Variants in AQR observed in about 807,000 individuals in gnomAD.
The protein encoded by AQR is RNA helicase aquarius.
AQR carries 61 observed loss-of-function variants against 180.5 expected under a neutral mutation model. That is an observed-to-expected ratio of 0.34 (90% confidence interval 0.28 to 0.42). AQR has a LOEUF of 0.42. Ranked by LOEUF, AQR falls within the 10% of genes least tolerant of loss-of-function variation. AQR has a pLI of 1.00. For missense variants in AQR, 1,281 were observed against 1,798.3 expected, an observed-to-expected ratio of 0.71 and a Z score of 5.20; for synonymous variants, 551 against 588.8, an observed-to-expected ratio of 0.94 and a Z score of 0.93.
chr15:34,895,190 ATATATATATATAT>A (rs1893222788), intron 22 of AQR, among the ~76,000 whole-genome samples: 11 of 52,288 alleles, frequency 2.1e-4, no homozygotes, highest in African/African-American at 7.3e-4. Context: ...AAAAAAAAAT[ATATATATATATAT>A]ATATATATAT....
At chr15:34,934,405 A>G (rs187763624) in intron 10 of AQR, among the ~76,000 whole-genome samples, 166 bp downstream of exon 10, 82 of 149,106 alleles carry the variant, frequency 5.5e-4, no homozygotes, top group African/African-American at 1.6e-3. Context: ...AAGGAAATAT[A>G]TACCTTTCCT....
Position 34,851,976 on chromosome 15 carries a change from C to G in AQR, c.*4816G>C, listed in dbSNP as rs1051091890. 2 of 152,098 alleles carry G rather than the reference C, an allele frequency of 1.3e-5. No homozygotes were observed. Among genetic ancestry groups the G allele is most frequent in the Non-Finnish European group, 2.9e-5 (2 of 68,026 alleles). 9.4% of individuals were successfully genotyped at this position (152,098 alleles called of 1,614,324 possible). On this transcript the variant is annotated 3_prime_UTR_variant, in exon 35 of 35. Transcript: ENST00000156471. ...ATTTTCAGGATGTTGCGATTAATAC[C>G]ACATGACACTCAATAAATTACACTA...
At chr15:34,909,984 A>G in intron 17 of AQR, 151 bp downstream of exon 17, 3 of 821,864 alleles carry the variant, frequency 3.7e-6, no homozygotes, top group South Asian at 2.0e-5. Flanking sequence ...ATAATTAGAA[A>G]AAAAGTTGCT....
In AQR at chr15:34,897,591, A is replaced by G; in HGVS notation, c.2358T>C (p.Asn786=). The change falls in exon 21 of 35, where the codon AAT becomes AAC. Residue 786 remains asparagine (N), a synonymous_variant. Transcript: ENST00000156471. The stretch of plus-strand genomic sequence containing the variant: ...GTTGATTATAAGGATAAGGACCCCT[A>G]TTAGGAATAACATGGGGCTCAACAA... The part of the protein sequence containing the change: ...TLIVEPHVIP[N]RGPYPYNQPK... 1 of 1,614,110 alleles carries G rather than the reference A, an allele frequency of 6.2e-7. No individual in the cohort carries two copies. The highest frequency in any genetic ancestry group is 8.5e-7 in the Non-Finnish European group (1 of 1,179,972).
At chr15:34,938,481 C>G (rs183169057) in intron 9 of AQR, among the ~76,000 whole-genome samples, 1 of 152,068 alleles carries the variant, frequency 6.6e-6, no homozygotes, top group Non-Finnish European at 1.5e-5. Flanking sequence ...TGCAGTGAGC[C>G]GAGATCATGC....
chr15:34,933,728 AAACCTG>A (rs1399300306), intron 10 of AQR, among the ~76,000 whole-genome samples: 1 of 152,218 alleles, frequency 6.6e-6, no homozygotes, highest in African/African-American at 2.4e-5. Context: ...AGTCATTTGA[AAACCTG>A]AAGGGCCAAT....
At chr15:34,962,276 C>G (rs971061087) in intron 2 of AQR, among the ~76,000 whole-genome samples, 1 of 152,086 alleles carries the variant, frequency 6.6e-6, no homozygotes, top group Non-Finnish European at 1.5e-5. Flanking sequence ...ACCGCCTCAG[C>G]CTCCCAAAGT....
intron 5 of AQR, among the ~76,000 whole-genome samples, chr15:34,946,529 T>C (rs1185628211): frequency 2.1e-5 from 2 of 93,560 alleles, no homozygotes; most frequent in Non-Finnish European, 4.3e-5. Context: ...GGGAGGGAGG[T>C]GAGGGGGTCA....
intron 23 of AQR, 134 bp from the exon 24 acceptor site, chr15:34,890,458 T>C: frequency 1.5e-6 from 1 of 678,710 alleles, no homozygotes; most frequent in Non-Finnish European, 2.4e-6. Context: ...AAATAGTATT[T>C]ATATTGATTT....
chr15:34,855,839 T>A lies in AQR; in HGVS notation c.*953A>T, dbSNP rs529357665. The A allele has an allele frequency of 2.0e-5, 3 of 152,304 alleles. No individual in the cohort carries two copies. The highest frequency in any genetic ancestry group is 2.0e-4 in the Admixed American group (3 of 15,302). 9.4% of individuals were successfully genotyped at this position (152,304 alleles called of 1,614,324 possible). On this transcript the variant is annotated 3_prime_UTR_variant, in exon 35 of 35. Transcript: ENST00000156471. Reference sequence around the variant, plus strand: ...TGTTGGTTCACAAATCATACTTGAGTAGCAAGGTCCCAGGTACCTCTGCCT... The same window carrying A: ...TGTTGGTTCACAAATCATACTTGAGAAGCAAGGTCCCAGGTACCTCTGCCT...
At chr15:34,957,071 C>G (rs1894331199) in intron 3 of AQR, among the ~76,000 whole-genome samples, 1 of 152,200 alleles carries the variant, frequency 6.6e-6, no homozygotes. Flanking sequence ...TACATCAAGC[C>G]ATTCCCCCAA....
intron 34 of AQR, among the ~76,000 whole-genome samples, chr15:34,857,910 C>A (rs890925608): frequency 6.6e-6 from 1 of 152,164 alleles, no homozygotes; most frequent in Non-Finnish European, 1.5e-5. Context: ...GCCCTTTGCC[C>A]CATGGCAGTC....
intron 6 of AQR, chr15:34,943,050 G>GC (rs1894049969): frequency 6.2e-7 from 1 of 1,601,900 alleles, no homozygotes; most frequent in East Asian, 2.2e-5. Context: ...TGTTAAAGAG[G>GC]CTTTCTGTGC....
chr15:34,880,917 C>T (rs1892963811), intron 27 of AQR, among the ~76,000 whole-genome samples: 1 of 152,046 alleles, frequency 6.6e-6, no homozygotes. Context: ...AGTGGACCTA[C>T]AAGGTTTTTA....
At chr15:34,884,245 A>G (rs1386686103) in intron 26 of AQR, among the ~76,000 whole-genome samples, 2 of 151,906 alleles carry the variant, frequency 1.3e-5, no homozygotes, top group Admixed American at 1.3e-4. Flanking sequence ...TGTCTCTACT[A>G]AAAATACAAA....
At chr15:34,956,108 G>A (rs1421061685) in intron 3 of AQR, among the ~76,000 whole-genome samples, 1 of 152,070 alleles carries the variant, frequency 6.6e-6, no homozygotes, top group African/African-American at 2.4e-5. Context: ...CTAGGTGGTG[G>A]TTATGAATTA....
Position 34,896,021 on chromosome 15 carries a change from T to G in AQR, c.2460+876A>C, listed in dbSNP as rs1893238206. ...AATTAAAATCATACAATACATTCTC[T>G]GACCAAAATAGACTTTGACCAGAAA... On this transcript the variant is annotated intron_variant, in intron 22 of 34. Coordinates refer to ENST00000156471, the MANE Select transcript of AQR (RefSeq NM_014691.3). Among the ~76,000 whole-genome samples the G allele has an allele frequency of 2.0e-5, 3 of 152,202 alleles. No individual in the cohort carries two copies. In the South Asian group the frequency reaches 6.2e-4, roughly 32 times the overall value.
At chr15:34,946,792 C>T (rs1412833328) in intron 5 of AQR, among the ~76,000 whole-genome samples, 2 of 149,274 alleles carry the variant, frequency 1.3e-5, no homozygotes, top group East Asian at 2.1e-4. Flanking sequence ...CCAGCTGCCC[C>T]GTCCGGGAAG....
chr15:34,932,193 A>C, intron 11 of AQR, 125 bp downstream of exon 11: 2 of 724,288 alleles, frequency 2.8e-6, no homozygotes, highest in South Asian at 3.7e-5. Context: ...CATTTTATAT[A>C]TTAAGACATG....
Sources: gnomAD v4.1 joint callset for allele counts (sites outside exome capture counted in the v4.1 genomes callset) on GRCh38, gnomAD v4.1.1 for gene constraint, MANE v1.5 for transcripts, NCBI Gene and HGNC (gene_info 2026-07-23, HGNC 2026-07-21) for gene names.